ATAD2B: variants seen among roughly 807,000 people sequenced by gnomAD.
The protein encoded by ATAD2B is ATPase family AAA domain containing 2B, also known as ATPase family AAA domain-containing protein 2B.
A neutral mutation model predicts 167.6 loss-of-function variants in ATAD2B; 40 were observed. That is an observed-to-expected ratio of 0.24 (90% CI 0.19 to 0.31). The LOEUF is 0.31. Ranked by LOEUF, ATAD2B falls within the 10% of genes least tolerant of loss-of-function variation. The pLI, the probability that ATAD2B is intolerant of heterozygous loss-of-function variation, is 1.00. For synonymous variants in ATAD2B, 579 were observed against 596.5 expected (o/e 0.97, Z 0.43); for missense variants, 1,242 against 1,757.2 (o/e 0.71, Z 5.24).
intron 4 of ATAD2B, 110 bp downstream of exon 4, chr2:23,887,722 T>C (rs1458370857): frequency 4.0e-6 from 4 of 1,003,032 alleles, no homozygotes; most frequent in Middle Eastern, 3.5e-4. Context: ...AGTTAAGTTT[T>C]TAAAGAACTG....
intron 18 of ATAD2B, among the ~76,000 whole-genome samples, chr2:23,808,140 A>ATATAT (rs1558570231): frequency 9.5e-6 from 1 of 105,528 alleles, no homozygotes; most frequent in Non-Finnish European, 1.9e-5. Context: ...ATAAGTGATT[A>ATATAT]CTTATATTAT....
the ATAD2B span, among the ~76,000 whole-genome samples, chr2:23,719,309 A>C: frequency 2.1e-4 from 32 of 152,334 alleles, no homozygotes; most frequent in Middle Eastern, 0.01. Flanking sequence ...CTTGACATAC[A>C]AGGAACTAGG....
chr2:23,768,284 A>G (rs1334042165), intron 22 of ATAD2B, among the ~76,000 whole-genome samples: 1 of 152,178 alleles, frequency 6.6e-6, no homozygotes, highest in Non-Finnish European at 1.5e-5. Flanking sequence ...CCGTAGTCAA[A>G]GCACTTTGGG....
intron 19 of ATAD2B, among the ~76,000 whole-genome samples, chr2:23,795,497 T>G (rs567177745): frequency 3.9e-5 from 6 of 152,268 alleles, no homozygotes; most frequent in South Asian, 4.1e-4. Flanking sequence ...AGCTACTTGG[T>G]CTACAACTCT....
Position 23,901,358 on chromosome 2 carries a change from C to CT in ATAD2B, c.217-5389dup, listed in dbSNP as rs796980137. On this transcript the variant is annotated intron_variant, in intron 1 of 27. Transcript: ENST00000238789. Reference sequence around the variant, plus strand: ...CATCTTCAAGACCTATCTCAGGACCCTTTTTTTTTTTTTCTTCATGAAATC... The same window carrying CT: ...CATCTTCAAGACCTATCTCAGGACCCTTTTTTTTTTTTTTCTTCATGAAATC... Among the ~76,000 whole-genome samples the CT allele has an allele frequency of 4.4e-3, 620 of 141,346 alleles. 3 individuals carry two copies. Among genetic ancestry groups the CT allele is most frequent in the African/African-American group, 0.01 (410 of 39,136 alleles). 92.7% of individuals were successfully genotyped at this position (141,346 alleles called of 152,430 possible). A position where few individuals can be genotyped will look rare whatever the true frequency, so the allele number is the denominator to read the frequency against.
rs534908090 is a variant in ATAD2B at position 23,883,645 on chromosome 2, CAAT to C, written c.784+1117_784+1119del. 1,163 of 1,281,676 alleles carry C rather than the reference CAAT, an allele frequency of 9.1e-4. 2 individuals are homozygous for C. Among genetic ancestry groups the C allele is most frequent in the Non-Finnish European group, 1.1e-3 (1,117 of 972,958 alleles). 79.4% of individuals were successfully genotyped at this position (1,281,676 alleles called of 1,614,324 possible). ...AATTTAGAGGTTCTAGCTGTAACAA[CAAT>C]AATATTTGCTCAATAAAGTACCTTC... On this transcript the variant is annotated intron_variant, in intron 6 of 27. Transcript: ENST00000238789.
At chr2:23,857,275 AAG>A in intron 13 of ATAD2B, 138 bp downstream of exon 13, 1 of 500,966 alleles carries the variant, frequency 2.0e-6, no homozygotes, top group Non-Finnish European at 3.5e-6. Flanking sequence ...CCCCTGTACT[AAG>A]AGAAAGAAGT....
intron 2 of ATAD2B, among the ~76,000 whole-genome samples, chr2:23,889,206 C>G (rs952242341): frequency 6.6e-6 from 1 of 152,096 alleles, no homozygotes; most frequent in Non-Finnish European, 1.5e-5. Flanking sequence ...CTTGCTCTGT[C>G]GCCCAGGCTG....
chr2:23,818,877 T>C (rs1192973028), intron 17 of ATAD2B, among the ~76,000 whole-genome samples: 1 of 152,170 alleles, frequency 6.6e-6, no homozygotes, highest in African/African-American at 2.4e-5. Context: ...ACAGCAAAAC[T>C]TGCTTTAACA....
At chr2:23,786,312 A>C in intron 20 of ATAD2B, 89 bp from the exon 21 acceptor site, 2 of 1,071,626 alleles carry the variant, frequency 1.9e-6, no homozygotes, top group Non-Finnish European at 2.6e-6. Flanking sequence ...TTTAAAGAAA[A>C]GAATTACAAA....
chr2:23,758,693 C>T (rs533660811), intron 24 of ATAD2B, among the ~76,000 whole-genome samples: 78 of 152,288 alleles, frequency 5.1e-4, no homozygotes, highest in Non-Finnish European at 9.6e-4. Context: ...TTTGGTGAGC[C>T]AACTGTTAAT....
intron 8 of ATAD2B, among the ~76,000 whole-genome samples, chr2:23,875,042 C>T (rs112069031): frequency 0.08 from 9,286 of 116,516 alleles, 388 homozygotes; most frequent in African/African-American, 0.16. Context: ...GGTGACAGAG[C>T]GAGATTCCAT....
At chr2:23,700,892 A>G in the ATAD2B span, among the ~76,000 whole-genome samples, 81,678 of 151,846 alleles carry the variant, frequency 0.54, 22,675 homozygotes, top group East Asian at 0.79. The surrounding 1 kb of genome is among the most constrained non-coding windows in gnomAD (Gnocchi z 4.6). Context: ...GACGCCTCTC[A>G]GCTCCCCTCT....
intron 20 of ATAD2B, 23 bp downstream of exon 20, chr2:23,788,489 C>T (rs1444025021): frequency 6.2e-7 from 1 of 1,608,892 alleles, no homozygotes; most frequent in East Asian, 2.2e-5. Context: ...CTCCCATTTT[C>T]CTAAAGGCTT....
chr2:23,911,420 T>A (rs1189532305), intron 1 of ATAD2B, among the ~76,000 whole-genome samples: 1 of 152,024 alleles, frequency 6.6e-6, no homozygotes, highest in East Asian at 2.0e-4. Flanking sequence ...CCAGGCGTAG[T>A]GGCACATGCT....
At chr2:23,902,153 A>C (rs1208418639) in intron 1 of ATAD2B, among the ~76,000 whole-genome samples, 1 of 152,196 alleles carries the variant, frequency 6.6e-6, no homozygotes, top group African/African-American at 2.4e-5. Flanking sequence ...CTTCCAAATG[A>C]TTCTTAGTAC....
At chr2:23,734,890 T>C in the ATAD2B span, among the ~76,000 whole-genome samples, 1 of 152,222 alleles carries the variant, frequency 6.6e-6, no homozygotes, top group Non-Finnish European at 1.5e-5. Flanking sequence ...TTTCTTAATA[T>C]GTCTTTTACT....
chr2:23,867,940 CA>C lies in ATAD2B; in HGVS notation c.1082del (p.Leu361CysfsTer3). ...KSMARARNRC[L>X]PMNFRAEDLA... is the part of the protein sequence containing the mutation. ...AGTCCTCTGCTCTGAAGTTCATAGGCAAACATCTGAAATTTATAAAAGTGCA... is the reference window on the plus strand; with the variant it reads ...AGTCCTCTGCTCTGAAGTTCATAGGCAACATCTGAAATTTATAAAAGTGCA... On this transcript the variant is annotated frameshift_variant, in exon 10 of 28. Transcript: ENST00000238789. LOFTEE classifies it high-confidence loss of function. 1 of 1,599,234 alleles carries C rather than the reference CA, an allele frequency of 6.3e-7. No homozygotes were observed.
At chr2:23,795,496 G>A (rs904432660) in intron 19 of ATAD2B, among the ~76,000 whole-genome samples, 1 of 151,978 alleles carries the variant, frequency 6.6e-6, no homozygotes, top group Admixed American at 6.6e-5. Flanking sequence ...CAGCTACTTG[G>A]TCTACAACTC....
Sources: gnomAD v4.1 joint callset for allele counts (sites outside exome capture counted in the v4.1 genomes callset) on GRCh38, gnomAD v4.1.1 for gene constraint, Gnocchi (gnomAD v3.1) non-coding constraint, MANE v1.5 for transcripts, NCBI Gene and HGNC (gene_info 2026-07-23, HGNC 2026-07-21) for gene names.